The following TRPC6 variants were observed in gnomAD, a reference collection of about 807,000 sequenced individuals.
TRPC6 encodes the protein transient receptor potential cation channel subfamily C member 6, also known as short transient receptor potential channel 6.
Under a neutral mutation model 90.7 loss-of-function variants are expected in TRPC6, and 55 were observed. The ratio of observed to expected loss-of-function variants is 0.61; its 90% CI spans 0.49 to 0.76. The LOEUF is 0.76. Ranked by LOEUF, TRPC6 falls within the 30% of genes least tolerant of loss-of-function variation. The pLI, the probability that TRPC6 is intolerant of heterozygous loss-of-function variation, is 0.00. For synonymous variants in TRPC6, 393 were observed against 393.0 expected (o/e 1.00, Z 0.00); for missense variants, 989 against 1,122.7 (o/e 0.88, Z 1.70).
chr11:101,577,030 A>G (rs978645090), intron 1 of TRPC6, among the ~76,000 whole-genome samples: 1 of 152,148 alleles, frequency 6.6e-6, no homozygotes, highest in Non-Finnish European at 1.5e-5. Context: ...GTCATCAGCT[A>G]TGAGACCCAC....
At chr11:101,536,187 G>C (rs1284734950) in intron 1 of TRPC6, among the ~76,000 whole-genome samples, 4 of 152,186 alleles carry the variant, frequency 2.6e-5, no homozygotes, top group Admixed American at 1.3e-4. Flanking sequence ...AGGAGTTTGA[G>C]ACCAGCCTGG....
At chr11:101,558,319 ATACAT>A in intron 1 of TRPC6, among the ~76,000 whole-genome samples, 1 of 142,270 alleles carries the variant, frequency 7.0e-6, no homozygotes, top group Non-Finnish European at 1.5e-5. Flanking sequence ...GTATATATGT[ATACAT>A]GTATATGGGT....
chr11:101,490,778 A>G (rs1025520320), intron 3 of TRPC6, among the ~76,000 whole-genome samples: 2 of 152,188 alleles, frequency 1.3e-5, no homozygotes, highest in Non-Finnish European at 2.9e-5. Flanking sequence ...GATACCTCAC[A>G]TAATCTAAGA....
At position 101,473,686 on chromosome 11, in the gene TRPC6, G is replaced by C. The variant is rs1373234274; in HGVS notation, c.1832C>G (p.Ala611Gly). 1 of 1,613,540 alleles carries C rather than the reference G, an allele frequency of 6.2e-7. No individual in the cohort carries two copies. Among genetic ancestry groups the C allele is most frequent in the Non-Finnish European group, 8.5e-7 (1 of 1,179,764 alleles). ...IAVVLSFSRIAYILPANESFG... is the reference protein window; with the variant it reads ...IAVVLSFSRIGYILPANESFG... ...GCTTTCATTTGCTGGTAAAATATAA[G>C]CTATCCTAGAGAAACTTAAAACTAC... The change falls in exon 7 of 13, where the codon GCT (alanine) becomes GGT (glycine). Residue 611 changes from alanine to glycine, a missense_variant. Transcript: ENST00000344327.
intron 1 of TRPC6, among the ~76,000 whole-genome samples, chr11:101,550,508 A>G (rs67417149): frequency 0.24 from 36,849 of 151,492 alleles, 4,798 homozygotes; most frequent in East Asian, 0.4. Flanking sequence ...TCAACTGATA[A>G]TAATAATTTT....
chr11:101,471,087 T>A, intron 9 of TRPC6, 96 bp downstream of exon 9: 1 of 1,205,326 alleles, frequency 8.3e-7, no homozygotes, highest in South Asian at 1.3e-5. Flanking sequence ...AATGGATGTG[T>A]CATCAGGAAC....
rs371296211 is a variant in TRPC6, at chr11:101,489,175, A to G, written c.1129-74T>C. The stretch of plus-strand genomic sequence containing the variant: ...GCATAAACGATTTTCATGTGTTCTA[A>G]TAGTTCCATGCTTTCCAATGAAATA... On this transcript the variant is annotated intron_variant, in intron 3 of 12. Coordinates refer to ENST00000344327, the MANE Select transcript of TRPC6 (RefSeq NM_004621.6). 12 of 1,313,168 alleles carry G rather than the reference A, an allele frequency of 9.1e-6. 1 individual carries two copies. In the African/African-American group the frequency reaches 1.5e-4, roughly 16 times the overall value. The allele number at this position is 1,313,168 out of a possible 1,614,324, so 81.3% of individuals were successfully genotyped here.
intron 1 of TRPC6, among the ~76,000 whole-genome samples, chr11:101,581,185 A>G (rs1194901627): frequency 6.6e-6 from 1 of 152,224 alleles, no homozygotes; most frequent in African/African-American, 2.4e-5. Context: ...ATTTCTGTTC[A>G]TCACTCTGCT....
chr11:101,454,192 A>T (rs1858831472), intron 11 of TRPC6, among the ~76,000 whole-genome samples: 1 of 152,146 alleles, frequency 6.6e-6, no homozygotes. Flanking sequence ...TCAATGTAAT[A>T]TATTTTTCAA....
chr11:101,453,784 T>C (rs1858820692), intron 11 of TRPC6, 59 bp from the exon 12 acceptor site: 3 of 1,527,202 alleles, frequency 2.0e-6, no homozygotes, highest in Non-Finnish European at 2.7e-6. Context: ...AAATCTCTCA[T>C]TTGGAACAAG....
At chr11:101,558,274 C>T (rs1166657703) in intron 1 of TRPC6, among the ~76,000 whole-genome samples, 2 of 122,626 alleles carry the variant, frequency 1.6e-5, no homozygotes, top group African/African-American at 6.2e-5. Flanking sequence ...TATGGGTATA[C>T]ATGTATATAT....
At chr11:101,564,379 G>T (rs1335861583) in intron 1 of TRPC6, among the ~76,000 whole-genome samples, 1 of 152,054 alleles carries the variant, frequency 6.6e-6, no homozygotes, top group Non-Finnish European at 1.5e-5. Flanking sequence ...TGGAATTTTT[G>T]AGCTTTACTA....
chr11:101,466,786 G>A (rs1422069774), intron 10 of TRPC6, among the ~76,000 whole-genome samples: 4 of 152,146 alleles, frequency 2.6e-5, no homozygotes, highest in Non-Finnish European at 5.9e-5. Context: ...AAAAACTCCT[G>A]CAGCTAGTTC....
In TRPC6 at chr11:101,504,200, CAT is replaced by C. The variant is rs777138161; in HGVS notation, c.767_768del (p.Asn256ArgfsTer9). The C allele has an allele frequency of 1.2e-6, 2 of 1,614,140 alleles. No homozygotes were observed. Among genetic ancestry groups the C allele is most frequent in the Non-Finnish European group, 1.7e-6 (2 of 1,180,000 alleles). ...TCATGCTTCTGTTTCTGGTTGCAGT[CAT>C]TGCACTTGCAGAAATAATCATGAGG... Reference protein sequence around the residue: ...ERPHDYFCKCNDCNQKQKHDS... With the variant: ...ERPHDYFCKCXDCNQKQKHDS... On this transcript the variant is annotated frameshift_variant, in exon 2 of 13. Coordinates refer to ENST00000344327, the MANE Select transcript of TRPC6 (RefSeq NM_004621.6). LOFTEE classifies it high-confidence loss of function.
chr11:101,496,353 G>T (rs1467130354), intron 2 of TRPC6, among the ~76,000 whole-genome samples: 1 of 152,112 alleles, frequency 6.6e-6, no homozygotes, highest in African/African-American at 2.4e-5. Flanking sequence ...TAACTCTGGG[G>T]CTCTTCTGCT....
Position 101,504,799 on chromosome 11 carries a change from C to T in TRPC6, c.171-1G>A, listed in dbSNP as rs775911298. On this transcript the variant is annotated splice_acceptor_variant, in intron 1 of 12. Transcript: ENST00000344327. LOFTEE classifies it high-confidence loss of function. ...AGCCAGTCTGTTGTCAGATCCCCGG[C>T]TGCAATAAAACAGAAAGATTGTAAA... The T allele has an allele frequency of 3.7e-6, 6 of 1,611,542 alleles. No homozygotes were observed. In the Admixed American group the frequency reaches 8.4e-5, roughly 23 times the overall value.
In TRPC6 at chr11:101,453,718, A is replaced by C. The variant is rs112206284; in HGVS notation, c.2576T>G (p.Met859Arg). 2.5e-6 allele frequency: 4 copies of C among 1,613,320 alleles called. No individual in the cohort carries two copies. Among genetic ancestry groups the C allele is most frequent in the Middle Eastern group, 1.7e-4 (1 of 6,056 alleles). ...TACATATCTTTTAATGAGCCTTTTC[A>C]TTATTTTCTAGAAAACAGAGAAAGG... ...NNPPRQYQKI[M>R]KRLIKRYVLQ... The change falls in exon 12 of 13, where the codon ATG becomes AGG. Residue 859 changes from methionine to arginine, a missense_variant. This residue lies in a region of TRPC6 where 191 missense variants were observed against 196.7 expected (regional missense o/e 0.97). Coordinates refer to ENST00000344327, the MANE Select transcript of TRPC6 (RefSeq NM_004621.6).
At chr11:101,482,366 A>G (rs1859571433) in intron 5 of TRPC6, among the ~76,000 whole-genome samples, 1 of 152,216 alleles carries the variant, frequency 6.6e-6, no homozygotes, top group African/African-American at 2.4e-5. Context: ...GACAAATAGT[A>G]TAGCAACTAA....
intron 10 of TRPC6, among the ~76,000 whole-genome samples, chr11:101,460,744 TA>T (rs35963952): frequency 6.6e-6 from 1 of 152,168 alleles, no homozygotes; most frequent in Non-Finnish European, 1.5e-5. Flanking sequence ...ACTATATGCT[TA>T]AAAATGGTTA....
Sources: allele counts gnomAD v4.1 joint callset (sites outside exome capture counted in the v4.1 genomes callset), GRCh38; gene constraint gnomAD v4.1.1; regional missense constraint gnomAD v4.1.1; transcripts MANE v1.5; gene names NCBI Gene and HGNC (gene_info 2026-07-23, HGNC 2026-07-21).